Variants in LILRB1 observed in about 807,000 individuals in gnomAD.
LILRB1 encodes the protein leukocyte immunoglobulin like receptor B1, also known as leukocyte immunoglobulin-like receptor subfamily B member 1.
In LILRB1, 59 loss-of-function variants were observed where a neutral mutation model predicts 74.6. The ratio of observed to expected loss-of-function variants is 0.79; its 90% CI spans 0.64 to 0.98. The LOEUF (loss-of-function observed/expected upper bound fraction) is 0.98, where lower values mean the gene tolerates loss of function less well. Among genes scored for constraint, LILRB1 ranks in the 50% least tolerant of loss-of-function variants. LILRB1 has a pLI of 0.00. For missense variants in LILRB1, 804 were observed against 822.6 expected, an observed-to-expected ratio of 0.98 and a Z score of 0.28; for synonymous variants, 328 against 333.9, an observed-to-expected ratio of 0.98 and a Z score of 0.19.
At chr19:54,632,390 G>A (rs2063954596) in intron 5 of LILRB1, 74 bp from the exon 6 acceptor site, 1 of 1,551,032 alleles carries the variant, frequency 6.4e-7, no homozygotes. Flanking sequence ...CAGTGATGTG[G>A]CCCCGGGGGA....
chr19:54,628,304 AG>A (rs1648961151), upstream of LILRB1, among the ~76,000 whole-genome samples: 1 of 152,236 alleles, frequency 6.6e-6, no homozygotes, highest in African/African-American at 2.4e-5. Flanking sequence ...AATAACATAA[AG>A]TACATTGATT....
In LILRB1 at chr19:54,636,312, AGAGT is replaced by A. The variant is rs2064414142; in HGVS notation, c.1654-178_1654-175del. The A allele has an allele frequency of 4.8e-6, 6 of 1,253,362 alleles. No homozygotes were observed. In the East Asian group the frequency reaches 1.5e-4, roughly 32 times the overall value. 77.6% of individuals were successfully genotyped at this position (1,253,362 alleles called of 1,614,324 possible). On this transcript the variant is annotated intron_variant, in intron 13 of 14. Coordinates refer to ENST00000324602, the MANE Select transcript of LILRB1 (RefSeq NM_001081637.3). ...AGGCTGCAGCCAAATGGGCAACGTC[AGAGT>A]GAGGAGCAGAGGCCAGAACCACAGC...
In LILRB1 at chr19:54,633,318, G is replaced by C; in HGVS notation, c.1261G>C (p.Gly421Arg). ...TGACCCCCTGGAGCTCGTGGTCTCAGGTGGGGGCCTTGACCCTGTCCTCTC... is the reference window on the plus strand; with the variant it reads ...TGACCCCCTGGAGCTCGTGGTCTCACGTGGGGGCCTTGACCCTGTCCTCTC... The part of the protein sequence containing the change: ...PSDPLELVVS[G>R]PSGGPSSPTT... The change falls in exon 7 of 15, where the codon GGA (glycine) becomes CGA (arginine). Residue 421 changes from glycine to arginine, a missense_variant and splice_region_variant. Transcript: ENST00000324602. 6.2e-7 allele frequency: 1 copy of C among 1,613,430 alleles called. No homozygotes were observed. The highest frequency in any genetic ancestry group is 8.5e-7 in the Non-Finnish European group (1 of 1,179,532).
chr19:54,619,205 A>G (rs2063390965), intron 1 of LILRB1, among the ~76,000 whole-genome samples: 1 of 152,158 alleles, frequency 6.6e-6, no homozygotes, highest in African/African-American at 2.4e-5. Context: ...TTTACACAAG[A>G]AAGTCTTATG....
intron 1 of LILRB1, among the ~76,000 whole-genome samples, chr19:54,621,736 G>A (rs2146167813): frequency 6.6e-6 from 1 of 152,046 alleles, no homozygotes; most frequent in East Asian, 1.9e-4. Flanking sequence ...GCATTTTTAA[G>A]GGTCTTTACC....
intron 1 of LILRB1, among the ~76,000 whole-genome samples, chr19:54,620,179 C>G (rs1433451526): frequency 6.6e-6 from 1 of 151,994 alleles, no homozygotes; most frequent in East Asian, 1.9e-4. Context: ...AAAGTTAACT[C>G]TGAGACCTGT....
upstream of LILRB1, among the ~76,000 whole-genome samples, chr19:54,630,167 C>A (rs951741863): frequency 6.6e-6 from 1 of 152,264 alleles, no homozygotes; most frequent in Admixed American, 6.5e-5. Flanking sequence ...GGTTCATTAC[C>A]GCCCGAGGTC....
chr19:54,632,304 C>T, intron 5 of LILRB1, 67 bp downstream of exon 5: 2 of 1,571,786 alleles, frequency 1.3e-6, no homozygotes, highest in Non-Finnish European at 1.7e-6. Context: ...AGCCGCGTCT[C>T]AGGGCAGTTC....
chr19:54,621,745 C>G (rs1422384882), intron 1 of LILRB1, among the ~76,000 whole-genome samples: 2 of 151,896 alleles, frequency 1.3e-5, no homozygotes, highest in Non-Finnish European at 2.9e-5. Context: ...AGGGTCTTTA[C>G]CATAAGTTCT....
upstream of LILRB1, among the ~76,000 whole-genome samples, chr19:54,628,715 T>G (rs1417068710): frequency 1.3e-5 from 2 of 151,540 alleles, no homozygotes; most frequent in Non-Finnish European, 2.9e-5. Context: ...CGAAACCCAG[T>G]CTTCTTGGGT....
upstream of LILRB1, among the ~76,000 whole-genome samples, chr19:54,627,846 C>A (rs917584566): frequency 3.9e-5 from 6 of 152,100 alleles, no homozygotes; most frequent in African/African-American, 1.4e-4. Context: ...TTTCCTAGAC[C>A]CAGTAGCGGA....
At chr19:54,628,217 A>G (rs563891510), upstream of LILRB1, among the ~76,000 whole-genome samples, 1 of 152,276 alleles carries the variant, frequency 6.6e-6, no homozygotes, top group South Asian at 2.1e-4. Flanking sequence ...AAGGAAGAGG[A>G]ACAGGCTATG....
At chr19:54,633,717 G>C (rs2146277321) in intron 8 of LILRB1, 29 bp downstream of exon 8, 1 of 1,606,630 alleles carries the variant, frequency 6.2e-7, no homozygotes, top group East Asian at 2.2e-5. Context: ...TGAACTCAAG[G>C]GAGTGCGGCC....
In LILRB1 at chr19:54,637,446, A is replaced by C. The variant is rs556153852; in HGVS notation, c.*568A>C. 4 of 152,864 alleles carry C rather than the reference A, an allele frequency of 2.6e-5. No individual in the cohort carries two copies. Among genetic ancestry groups the C allele is most frequent in the African/African-American group, 9.7e-5 (4 of 41,284 alleles). 9.5% of individuals were successfully genotyped at this position (152,864 alleles called of 1,614,324 possible). A position where few individuals can be genotyped will look rare whatever the true frequency, so the allele number is the denominator to read the frequency against. ...AGGCTGAGGCAGGAGAATCGCTTGA[A>C]CCAGGGAGTCAGAGGTTTCAGTGAG... is the stretch of plus-strand genomic sequence containing the variant. On this transcript the variant is annotated 3_prime_UTR_variant, in exon 15 of 15. Transcript: ENST00000324602.
rs1393974881 is a variant in LILRB1, at chr19:54,632,469, T to C, written c.667T>C (p.Ser223Pro). The stretch of plus-strand genomic sequence containing the variant: ...CCATGACCACCTTTTCCCAGGTGTT[T>C]CTAAGAAGCCATCACTCTCAGTGCA... ...DLLELLVLGV[S>P]KKPSLSVQPG... Residue 223 changes from serine to proline, a missense_variant, in exon 6 of 15, where the codon TCT (serine) becomes CCT (proline). Transcript: ENST00000324602. 50 of 1,599,964 alleles carry C rather than the reference T, an allele frequency of 3.1e-5. No homozygotes were observed. Among genetic ancestry groups the C allele is most frequent in the African/African-American group, 5.4e-5 (4 of 74,448 alleles).
At position 54,637,839 on chromosome 19, in the gene LILRB1, G is replaced by T. The variant is rs539220657; in HGVS notation, c.*961G>T. On this transcript the variant is annotated 3_prime_UTR_variant, in exon 15 of 15. Transcript: ENST00000324602. Reference sequence around the variant, plus strand: ...TTCCAAAACTAACAATGGAACAGGCGGCAAACCTATGCCAATATACTAGAA... The same window carrying T: ...TTCCAAAACTAACAATGGAACAGGCTGCAAACCTATGCCAATATACTAGAA... Among the ~76,000 whole-genome samples, 1 of 152,124 alleles carries T rather than the reference G, an allele frequency of 6.6e-6. No homozygotes were observed. The highest frequency in any genetic ancestry group is 2.4e-5 in the African/African-American group (1 of 41,424).
At chr19:54,629,214 C>T (rs773191113), upstream of LILRB1, among the ~76,000 whole-genome samples, 13 of 152,000 alleles carry the variant, frequency 8.6e-5, no homozygotes, top group Non-Finnish European at 1.9e-4. Context: ...TTCCTATATG[C>T]AGGCCCAGCA....
At chr19:54,617,417 T>C (rs1178320386) in intron 1 of LILRB1, 2 of 152,172 alleles carry the variant, frequency 1.3e-5, no homozygotes, top group African/African-American at 4.8e-5. Flanking sequence ...CTATTTTCTT[T>C]TCTGCCTGCT....
intron 1 of LILRB1, among the ~76,000 whole-genome samples, chr19:54,622,780 C>T (rs1401702674): frequency 6.6e-6 from 1 of 152,170 alleles, no homozygotes; most frequent in East Asian, 1.9e-4. Flanking sequence ...CACTTCTCCC[C>T]ATTCAATTTT....
Sources: allele counts gnomAD v4.1 joint callset (sites outside exome capture counted in the v4.1 genomes callset), GRCh38; gene constraint gnomAD v4.1.1; transcripts MANE v1.5; gene names NCBI Gene and HGNC (gene_info 2026-07-23, HGNC 2026-07-21).